FUT8: variants seen among roughly 807,000 people sequenced by gnomAD.
FUT8 encodes the protein fucosyltransferase 8.
Under a neutral mutation model 71.3 loss-of-function variants are expected in FUT8, and 29 were observed. The observed-to-expected ratio is 0.41, with a 90% CI of 0.30 to 0.55. The LOEUF is 0.55. Among genes scored for constraint, FUT8 ranks in the 20% least tolerant of loss-of-function variants. The probability of loss-of-function intolerance (pLI) is 0.34; values close to 1 mark genes in which losing one functional copy is unlikely to be tolerated. For missense variants in FUT8, 544 were observed against 702.1 expected, an observed-to-expected ratio of 0.77 and a Z score of 2.55; for synonymous variants, 254 against 239.3, an observed-to-expected ratio of 1.06 and a Z score of -0.57.
Position 65,724,843 on chromosome 14 carries a change from T to C in FUT8, c.1259+520T>C, listed in dbSNP as rs546032755. ...GAACAGGAGAGGAAGTGTTCTGATG[T>C]CTCCACATATAAGGACACTAATCTC... On this transcript the variant is annotated intron_variant, in intron 9 of 10. Coordinates refer to ENST00000673929, the MANE Select transcript of FUT8 (RefSeq NM_001371533.1). 2.6e-5 allele frequency among the ~76,000 whole-genome samples: 4 copies of C among 152,214 alleles called. No individual in the cohort carries two copies. The South Asian group carries it at 8.3e-4, about 32-fold the overall frequency.
intron 3 of FUT8, among the ~76,000 whole-genome samples, chr14:65,592,291 A>G (rs745510970): frequency 3.3e-5 from 5 of 152,096 alleles, no homozygotes; most frequent in South Asian, 2.1e-4. Flanking sequence ...AGACAAAAGA[A>G]TGACTAGATT....
chr14:65,537,149 G>A (rs1046603402), intron 2 of FUT8, among the ~76,000 whole-genome samples: 6 of 151,560 alleles, frequency 4.0e-5, no homozygotes, highest in Non-Finnish European at 7.4e-5. Context: ...TTCAGCTCTT[G>A]TATCATTTTA....
intron 1 of FUT8, among the ~76,000 whole-genome samples, chr14:65,445,099 C>T (rs1422713237): frequency 5.9e-5 from 9 of 152,044 alleles, no homozygotes; most frequent in Admixed American, 2.0e-4. Context: ...CCCAGCTACT[C>T]GGGAGGCTGA....
intron 7 of FUT8, among the ~76,000 whole-genome samples, chr14:65,710,819 T>G (rs1338897732): frequency 6.6e-6 from 1 of 152,188 alleles, no homozygotes; most frequent in East Asian, 1.9e-4. Context: ...GGCTCATGGC[T>G]CTGCGGGCTG....
intron 2 of FUT8, among the ~76,000 whole-genome samples, chr14:65,533,939 C>T (rs1884118087): frequency 6.6e-6 from 1 of 152,088 alleles, no homozygotes; most frequent in Non-Finnish European, 1.5e-5. Context: ...TATTGATTTG[C>T]ATAAGTTGAA....
rs185906197 is a variant in FUT8, at chr14:65,552,885, T to C, written c.-227-8452T>C. Among the ~76,000 whole-genome samples, 276 of 152,324 alleles carry C rather than the reference T, an allele frequency of 1.8e-3. 1 individual carries two copies. The highest frequency in any genetic ancestry group is 6.4e-3 in the African/African-American group (267 of 41,574). On this transcript the variant is annotated intron_variant, in intron 2 of 10. Transcript: ENST00000673929. Reference sequence around the variant, plus strand: ...TTGGAAATGCTCTGTATCTACACCATTCGTAATGGTAACCACTAGACACAG... The same window carrying C: ...TTGGAAATGCTCTGTATCTACACCACTCGTAATGGTAACCACTAGACACAG...
At chr14:65,668,159 C>A (rs1892306779) in intron 6 of FUT8, among the ~76,000 whole-genome samples, 1 of 151,844 alleles carries the variant, frequency 6.6e-6, no homozygotes, top group Non-Finnish European at 1.5e-5. Flanking sequence ...GGATATAGGC[C>A]CTGGCAAAGA....
chr14:65,723,396 T>C (rs557459665), intron 8 of FUT8, among the ~76,000 whole-genome samples: 3 of 152,156 alleles, frequency 2.0e-5, no homozygotes, highest in Non-Finnish European at 4.4e-5. Context: ...GTCAGTGCCT[T>C]ATTCAGTACA....
chr14:65,434,793 T>C (rs2065530082), intron 1 of FUT8, among the ~76,000 whole-genome samples: 1 of 152,214 alleles, frequency 6.6e-6, no homozygotes, highest in Admixed American at 6.5e-5. Flanking sequence ...CCACCTTTTT[T>C]TTCTTTTATC....
chr14:65,712,290 A>G (rs1024787078), intron 7 of FUT8, among the ~76,000 whole-genome samples: 1 of 152,266 alleles, frequency 6.6e-6, no homozygotes, highest in African/African-American at 2.4e-5. Context: ...ATAGAACATC[A>G]GTAACATTCA....
chr14:65,439,987 T>TATATATATATATATATATATACAC (rs1358951833), intron 1 of FUT8, among the ~76,000 whole-genome samples: 1 of 138,082 alleles, frequency 7.2e-6, no homozygotes, highest in African/African-American at 2.7e-5. Context: ...TATATATATA[T>TATATATATATATATATATATACAC]ATATGTACAC....
intron 2 of FUT8, among the ~76,000 whole-genome samples, chr14:65,557,349 T>C (rs1885642600): frequency 6.6e-6 from 1 of 151,804 alleles, no homozygotes; most frequent in Non-Finnish European, 1.5e-5. Flanking sequence ...TTTTTTTTTT[T>C]TGAGACAGAG....
At chr14:65,699,463 T>A (rs1256133864) in intron 7 of FUT8, among the ~76,000 whole-genome samples, 3 of 152,168 alleles carry the variant, frequency 2.0e-5, no homozygotes, top group Admixed American at 6.5e-5. Context: ...ATGGTCTTAG[T>A]GTTAGAATCA....
At chr14:65,645,183 T>A (rs4902408) in intron 6 of FUT8, among the ~76,000 whole-genome samples, 126,194 of 152,176 alleles carry the variant, frequency 0.83, 52,589 homozygotes, top group East Asian at 1. Context: ...AAATTCTAGT[T>A]GGTAAATTCA....
intron 3 of FUT8, among the ~76,000 whole-genome samples, chr14:65,606,999 T>TA (rs1445653241): frequency 6.6e-6 from 1 of 151,968 alleles, no homozygotes; most frequent in Non-Finnish European, 1.5e-5. Context: ...TGTGATATTT[T>TA]AAAAAACACA....
intron 2 of FUT8, among the ~76,000 whole-genome samples, chr14:65,539,024 G>A (rs183579563): frequency 3.0e-4 from 46 of 152,232 alleles, no homozygotes; most frequent in Non-Finnish European, 5.6e-4. Flanking sequence ...TTTTCTGCTG[G>A]CCGATATAAA....
chr14:65,531,794 C>T (rs2139915194), intron 2 of FUT8, among the ~76,000 whole-genome samples: 1 of 152,266 alleles, frequency 6.6e-6, no homozygotes, highest in East Asian at 1.9e-4. Context: ...CTGGTAGGCT[C>T]CATTGTCTAT....
intron 2 of FUT8, among the ~76,000 whole-genome samples, chr14:65,523,784 C>T (rs953592014): frequency 1.3e-5 from 2 of 152,200 alleles, no homozygotes; most frequent in Non-Finnish European, 2.9e-5. Flanking sequence ...TTTCAGCTTT[C>T]TCCATATGGC....
intron 6 of FUT8, among the ~76,000 whole-genome samples, chr14:65,665,454 A>G (rs1892164179): frequency 6.6e-6 from 1 of 152,194 alleles, no homozygotes; most frequent in Non-Finnish European, 1.5e-5. Context: ...ACTGAGGAAT[A>G]AAGAAGTGAA....
Sources: gnomAD v4.1 joint callset for allele counts (sites outside exome capture counted in the v4.1 genomes callset) on GRCh38, gnomAD v4.1.1 for gene constraint, MANE v1.5 for transcripts, NCBI Gene and HGNC (gene_info 2026-07-23, HGNC 2026-07-21) for gene names.